Variants in CADPS observed in about 807,000 individuals in gnomAD.
CADPS encodes the protein calcium-dependent secretion activator 1.
A neutral mutation model predicts 167.3 loss-of-function variants in CADPS; 57 were observed. The observed-to-expected ratio is 0.34, with a 90% CI of 0.28 to 0.42. The LOEUF (loss-of-function observed/expected upper bound fraction) is 0.42, where lower values mean the gene tolerates loss of function less well. CADPS is among the 20% of genes least tolerant of loss of function. The pLI is 1.00. For missense variants in CADPS, 1,414 were observed against 1,738.1 expected, an observed-to-expected ratio of 0.81 and a Z score of 3.32; for synonymous variants, 676 against 635.3, an observed-to-expected ratio of 1.06 and a Z score of -0.96.
At chr3:62,444,208 G>A (rs148693868) in intron 27 of CADPS, among the ~76,000 whole-genome samples, 26 of 152,304 alleles carry the variant, frequency 1.7e-4, no homozygotes, top group Admixed American at 1.1e-3. Context: ...GTCGAAAGCC[G>A]AGAATTTCAA....
intron 1 of CADPS, among the ~76,000 whole-genome samples, chr3:62,836,635 T>C (rs2075933162): frequency 6.6e-6 from 1 of 152,132 alleles, no homozygotes; most frequent in Non-Finnish European, 1.5e-5. Flanking sequence ...AATGGGGCTG[T>C]AGTAAAAGGT....
chr3:62,630,315 C>G (rs1288262390), intron 6 of CADPS, among the ~76,000 whole-genome samples: 1 of 152,098 alleles, frequency 6.6e-6, no homozygotes, highest in Admixed American at 6.6e-5. Context: ...ATATTTGAAT[C>G]CGAATCTGTA....
chr3:62,702,756 A>C (rs1195448275), intron 3 of CADPS, among the ~76,000 whole-genome samples: 1 of 152,138 alleles, frequency 6.6e-6, no homozygotes, highest in African/African-American at 2.4e-5. Flanking sequence ...GGCTAGTGCA[A>C]CTGAGGAATT....
intron 11 of CADPS, among the ~76,000 whole-genome samples, chr3:62,543,194 A>T (rs1487490898): frequency 6.6e-6 from 1 of 152,194 alleles, no homozygotes; most frequent in Non-Finnish European, 1.5e-5. Flanking sequence ...CATGATTTAC[A>T]GTATGGTTTT....
chr3:62,488,095 G>A (rs1218614421), intron 21 of CADPS, among the ~76,000 whole-genome samples: 1 of 152,204 alleles, frequency 6.6e-6, no homozygotes, highest in South Asian at 2.1e-4. Flanking sequence ...GGAAGATTCT[G>A]TGGCAAAAAT....
At chr3:62,437,340 CTTTTTTTTT>C (rs11295364) in intron 28 of CADPS, among the ~76,000 whole-genome samples, 1 of 128,204 alleles carries the variant, frequency 7.8e-6, no homozygotes, top group Middle Eastern at 4.3e-3. Flanking sequence ...AAGCAGGTTC[CTTTTTTTTT>C]TTTTTTTTTT....
intron 11 of CADPS, among the ~76,000 whole-genome samples, chr3:62,538,624 C>T (rs2075165711): frequency 6.6e-6 from 1 of 152,168 alleles, no homozygotes; most frequent in Non-Finnish European, 1.5e-5. Context: ...AGGCTGCAAA[C>T]TGACAAACCG....
intron 3 of CADPS, among the ~76,000 whole-genome samples, chr3:62,695,707 A>G (rs770613755): frequency 2.0e-5 from 3 of 151,960 alleles, no homozygotes; most frequent in Non-Finnish European, 2.9e-5. Context: ...GTCTCACTCT[A>G]TCACCCAGGC....
intron 6 of CADPS, among the ~76,000 whole-genome samples, chr3:62,642,059 T>C (rs2067533598): frequency 6.6e-6 from 1 of 151,350 alleles, no homozygotes; most frequent in African/African-American, 2.4e-5. Flanking sequence ...AATAACATAC[T>C]CTTAGACAAA....
chr3:62,799,899 A>G (rs1448337594), intron 1 of CADPS, among the ~76,000 whole-genome samples: 1 of 152,160 alleles, frequency 6.6e-6, no homozygotes, highest in African/African-American at 2.4e-5. Context: ...TTTACATGTC[A>G]AACAGTCTTG....
Position 62,521,285 on chromosome 3 carries a change from C to T in CADPS, c.2292-3035G>A, listed in dbSNP as rs2070513149. Reference sequence around the variant, plus strand: ...AGAGGGTATATTTGATTCAGGGTTCCTGATTTCTCTTAGGTTGGAGTGGAT... The same window carrying T: ...AGAGGGTATATTTGATTCAGGGTTCTTGATTTCTCTTAGGTTGGAGTGGAT... On this transcript the variant is annotated intron_variant, in intron 13 of 29. Coordinates refer to ENST00000383710, the MANE Select transcript of CADPS (RefSeq NM_003716.4). 2.6e-5 allele frequency among the ~76,000 whole-genome samples: 4 copies of T among 152,150 alleles called. No individual in the cohort carries two copies. In the South Asian group the frequency reaches 8.3e-4, roughly 31 times the overall value.
At chr3:62,726,475 AG>A (rs1469638256) in intron 3 of CADPS, among the ~76,000 whole-genome samples, 1 of 151,938 alleles carries the variant, frequency 6.6e-6, no homozygotes. Context: ...ATCAGGCCTT[AG>A]CCACAAATAT....
At chr3:62,834,282 T>C (rs1168024596) in intron 1 of CADPS, among the ~76,000 whole-genome samples, 1 of 152,092 alleles carries the variant, frequency 6.6e-6, no homozygotes, top group Non-Finnish European at 1.5e-5. Context: ...TACATTTCCA[T>C]AAGTGGGACA....
chr3:62,862,726 C>T (rs1318773245), intron 1 of CADPS, among the ~76,000 whole-genome samples: 1 of 152,128 alleles, frequency 6.6e-6, no homozygotes, highest in African/African-American at 2.4e-5. Context: ...TTTCACAATT[C>T]TGCAATAAAA....
intron 1 of CADPS, among the ~76,000 whole-genome samples, chr3:62,794,279 T>C (rs751524583): frequency 1.3e-5 from 2 of 152,204 alleles, no homozygotes; most frequent in Non-Finnish European, 2.9e-5. Flanking sequence ...ACATTTGTTA[T>C]AATAATTAAG....
chr3:62,547,590 C>CACT (rs202191144), intron 11 of CADPS, among the ~76,000 whole-genome samples: 1 of 94,920 alleles, frequency 1.1e-5, no homozygotes, highest in African/African-American at 4.7e-5. Context: ...ATTTACGCCC[C>CACT]CCCCCCCCCG....
At chr3:62,496,889 G>A (rs115586307) in intron 18 of CADPS, among the ~76,000 whole-genome samples, 1 of 152,150 alleles carries the variant, frequency 6.6e-6, no homozygotes, top group African/African-American at 2.4e-5. Context: ...AAGATTTTGT[G>A]ATTGGGTAAA....
At chr3:62,745,964 T>C (rs998290119) in intron 3 of CADPS, among the ~76,000 whole-genome samples, 3 of 152,214 alleles carry the variant, frequency 2.0e-5, no homozygotes, top group African/African-American at 7.2e-5. Flanking sequence ...AAGTGCTGTA[T>C]AAACAGGGTA....
rs147208673 is a variant in CADPS at position 62,516,255 on chromosome 3, C to G, written c.2458-73G>C. On this transcript the variant is annotated intron_variant, in intron 15 of 29. Transcript: ENST00000383710. Reference sequence around the variant, plus strand: ...GTCACTCATCCATACTTCTTAGAAGCGTGAAAGTTTAAAATCAGTTCTTTG... The same window carrying G: ...GTCACTCATCCATACTTCTTAGAAGGGTGAAAGTTTAAAATCAGTTCTTTG... The G allele has an allele frequency of 5.1e-6, 8 of 1,555,456 alleles. No individual in the cohort carries two copies. The East Asian group carries it at 1.8e-4, about 35-fold the overall frequency.
Sources: gnomAD v4.1 joint callset for allele counts (sites outside exome capture counted in the v4.1 genomes callset) on GRCh38, gnomAD v4.1.1 for gene constraint, MANE v1.5 for transcripts, NCBI Gene and HGNC (gene_info 2026-07-23, HGNC 2026-07-21) for gene names.